PSMD12: variants seen among roughly 807,000 people sequenced by gnomAD.
PSMD12 encodes 26S proteasome non-ATPase regulatory subunit 12.
Under a neutral mutation model 62.9 loss-of-function variants are expected in PSMD12, and 8 were observed. The observed-to-expected ratio is 0.13, with a 90% confidence interval of 0.07 to 0.23. The LOEUF (loss-of-function observed/expected upper bound fraction) is 0.23, where lower values mean the gene tolerates loss of function less well. PSMD12 is among the 10% of genes least tolerant of loss of function. The pLI, the probability that PSMD12 is intolerant of heterozygous loss-of-function variation, is 1.00. For synonymous variants in PSMD12, 173 were observed against 187.4 expected, an observed-to-expected ratio of 0.92 and a Z score of 0.63; for missense variants, 424 against 550.2, an observed-to-expected ratio of 0.77 and a Z score of 2.29.
At chr17:67,356,374 C>A (rs189936930) in intron 3 of PSMD12, among the ~76,000 whole-genome samples, 1 of 150,602 alleles carries the variant, frequency 6.6e-6, no homozygotes, top group East Asian at 2.0e-4. Flanking sequence ...CTGGCTAACA[C>A]GGTGAAACCC....
chr17:67,338,122 AG>A lies in PSMD12; in HGVS notation c.*2720del, dbSNP rs1255676658. On this transcript the variant is annotated 3_prime_UTR_variant, in exon 11 of 11. Transcript: ENST00000356126. The stretch of plus-strand genomic sequence containing the variant: ...ACATATGGAAATTGAGGATAATCAT[AG>A]AAACAGCTATTGAACTCTAAAATAA... 2 of 152,246 alleles carry A rather than the reference AG, an allele frequency of 1.3e-5. No individual in the cohort carries two copies. The highest frequency in any genetic ancestry group is 2.9e-5 in the Non-Finnish European group (2 of 68,044). 9.4% of individuals were successfully genotyped at this position (152,246 alleles called of 1,614,324 possible).
At position 67,366,544 on chromosome 17, in the gene PSMD12, T is replaced by C. The variant is rs1009133737; in HGVS notation, c.-25A>G. Reference sequence around the variant, plus strand: ...TGGTCCCCGCCTGAGCGTCCCTTGCTGTCCCCCTGCTTCGGCCACCACTCG... The same window carrying C: ...TGGTCCCCGCCTGAGCGTCCCTTGCCGTCCCCCTGCTTCGGCCACCACTCG... On this transcript the variant is annotated 5_prime_UTR_variant, in exon 1 of 11. Transcript: ENST00000356126. 8.2e-6 allele frequency: 13 copies of C among 1,583,050 alleles called. No homozygotes were observed. The highest frequency in any genetic ancestry group is 2.3e-5 in the East Asian group (1 of 44,018).
intron 3 of PSMD12, 136 bp downstream of exon 3, chr17:67,357,167 G>T: frequency 1.1e-6 from 1 of 910,772 alleles, no homozygotes; most frequent in Non-Finnish European, 1.6e-6. Context: ...TGAGAATGTA[G>T]ACTGAATTTT....
chr17:67,365,008 T>C (rs1217297125), intron 1 of PSMD12, among the ~76,000 whole-genome samples: 1 of 152,024 alleles, frequency 6.6e-6, no homozygotes, highest in Admixed American at 6.6e-5. Flanking sequence ...GCCAACGTAG[T>C]GAAACCCCGT....
At position 67,366,400 on chromosome 17, in the gene PSMD12, G is replaced by A. The variant is rs1375540856; in HGVS notation, c.108+12C>T. 3.1e-6 allele frequency: 5 copies of A among 1,604,652 alleles called. No individual in the cohort carries two copies. In the African/African-American group the frequency reaches 4.0e-5, roughly 13 times the overall value. On this transcript the variant is annotated intron_variant, in intron 1 of 10. Transcript: ENST00000356126. ...CCTGGCGCCCGCCAACAGCCAGCCG[G>A]CCTCTCCTCACCTTGGCTAGCTTCG...
chr17:67,360,493 T>G (rs2042119370), intron 1 of PSMD12, among the ~76,000 whole-genome samples: 1 of 152,204 alleles, frequency 6.6e-6, no homozygotes, highest in South Asian at 2.1e-4. Flanking sequence ...CAAACTATAT[T>G]CTATTTTGGT....
At chr17:67,346,759 A>G (rs2041971323) in intron 7 of PSMD12, among the ~76,000 whole-genome samples, 1 of 152,236 alleles carries the variant, frequency 6.6e-6, no homozygotes, top group South Asian at 2.1e-4. Flanking sequence ...GTATAAAGAA[A>G]AAGTTCTTAT....
chr17:67,358,872 A>G (rs1178193130), intron 1 of PSMD12, among the ~76,000 whole-genome samples: 1 of 152,218 alleles, frequency 6.6e-6, no homozygotes, highest in Non-Finnish European at 1.5e-5. Flanking sequence ...CTGACAACTT[A>G]CACTAACCTC....
intron 3 of PSMD12, among the ~76,000 whole-genome samples, chr17:67,354,086 C>T (rs189693334): frequency 6.6e-6 from 1 of 152,208 alleles, no homozygotes; most frequent in African/African-American, 2.4e-5. Flanking sequence ...AAGCACTTTA[C>T]ATAAAAATAC....
At chr17:67,343,090 T>G (rs901833328) in intron 9 of PSMD12, among the ~76,000 whole-genome samples, 2 of 152,140 alleles carry the variant, frequency 1.3e-5, no homozygotes, top group Non-Finnish European at 2.9e-5. Context: ...TTTACTGTTC[T>G]TATTGGTAGT....
chr17:67,366,481 G>T lies in PSMD12; in HGVS notation c.39C>A (p.Ile13=). ...DGGSERADGR[I]VKMEVDYSAT... is the part of the protein sequence containing the mutation. ...CGCTGTAGTCCACCTCCATCTTGACGATGCGCCCGTCAGCCCGCTCCGAGC... is the reference window on the plus strand; with the variant it reads ...CGCTGTAGTCCACCTCCATCTTGACTATGCGCCCGTCAGCCCGCTCCGAGC... Residue 13 remains isoleucine, a synonymous_variant, in exon 1 of 11, where the codon ATC becomes ATA. Coordinates refer to ENST00000356126, the MANE Select transcript of PSMD12 (RefSeq NM_002816.5). The T allele has an allele frequency of 1.9e-6, 3 of 1,610,820 alleles. No individual in the cohort carries two copies. Among genetic ancestry groups the T allele is most frequent in the South Asian group, 2.2e-5 (2 of 91,036 alleles).
In PSMD12 at chr17:67,345,903, G is replaced by T. The variant is rs111289722; in HGVS notation, c.796-46C>A. The T allele has an allele frequency of 8.6e-6, 13 of 1,503,816 alleles. No homozygotes were observed. The African/African-American group carries it at 1.3e-4, about 14-fold the overall frequency. The allele number at this position is 1,503,816 out of a possible 1,614,324, so 93.2% of individuals were successfully genotyped here. ...GTTATATGCAAGACTGGACATAATG[G>T]AAACTTTGACAAAAACTGAACAATC... On this transcript the variant is annotated intron_variant, in intron 7 of 10. Coordinates refer to ENST00000356126, the MANE Select transcript of PSMD12 (RefSeq NM_002816.5).
intron 1 of PSMD12, 67 bp from the exon 2 acceptor site, chr17:67,357,645 A>G: frequency 6.7e-7 from 1 of 1,499,150 alleles, no homozygotes; most frequent in Non-Finnish European, 9.3e-7. Flanking sequence ...TCTAAAATGA[A>G]ATGGTTTTGA....
At chr17:67,366,168 C>T (rs1470114782) in intron 1 of PSMD12, among the ~76,000 whole-genome samples, 2 of 152,208 alleles carry the variant, frequency 1.3e-5, no homozygotes, top group African/African-American at 4.8e-5. Flanking sequence ...TTAAACGGAG[C>T]CCTAAGTCCC....
chr17:67,344,676 G>T lies in PSMD12; in HGVS notation c.1013C>A (p.Thr338Lys), dbSNP rs1212380133. 2 of 1,613,308 alleles carry T rather than the reference G, an allele frequency of 1.2e-6. No individual in the cohort carries two copies. The highest frequency in any genetic ancestry group is 2.2e-5 in the South Asian group (2 of 91,000). Residue 338 changes from threonine (T) to lysine (K), a missense_variant, in exon 9 of 11, where the codon ACG becomes AAG. Thr to Lys is a moderately conservative substitution (Grantham distance 78). Coordinates refer to ENST00000356126, the MANE Select transcript of PSMD12 (RefSeq NM_002816.5). ...TTCCTCTGTAGAACCAAAAACATCC[G>T]TTGCAGGACTCTCAAGGGAACCTTT... is the stretch of plus-strand genomic sequence containing the variant. ...LRKGSLESPA[T>K]DVFGSTEEGE...
In PSMD12 at chr17:67,344,698, C is replaced by A. The variant is rs1203610326; in HGVS notation, c.991G>T (p.Gly331Cys). ...TCCGTTGCAGGACTCTCAAGGGAAC[C>A]TTTTCTTAATTCCATTCCATAGTCC... Reference protein sequence around the residue: ...VEDYGMELRKGSLESPATDVF... With the variant: ...VEDYGMELRKCSLESPATDVF... Residue 331 changes from glycine (G) to cysteine (C), a missense_variant, in exon 9 of 11, where the codon GGT becomes TGT. Coordinates refer to ENST00000356126, the MANE Select transcript of PSMD12 (RefSeq NM_002816.5). The A allele has an allele frequency of 1.9e-6, 3 of 1,613,818 alleles. No individual in the cohort carries two copies. The highest frequency in any genetic ancestry group is 1.1e-5 in the South Asian group (1 of 91,064).
intron 3 of PSMD12, chr17:67,357,100 A>T (rs1483752528): frequency 7.6e-6 from 4 of 526,242 alleles, no homozygotes; most frequent in African/African-American, 5.9e-5. Flanking sequence ...CACAATTTTT[A>T]AAAATATGCA....
In PSMD12 at chr17:67,339,235, G is replaced by A. The variant is rs2041887366; in HGVS notation, c.*1608C>T. 6.6e-6 allele frequency: 1 copy of A among 151,734 alleles called. No individual in the cohort carries two copies. The highest frequency in any genetic ancestry group is 2.1e-4 in the South Asian group (1 of 4,820). 9.4% of individuals were successfully genotyped at this position (151,734 alleles called of 1,614,324 possible). A position where few individuals can be genotyped will look rare whatever the true frequency, so the allele number is the denominator to read the frequency against. ...GAATTCTCCCACCTCAGCCTCCCAAGTAACTGGGACTACAGGCACACGCCA... is the reference window on the plus strand; with the variant it reads ...GAATTCTCCCACCTCAGCCTCCCAAATAACTGGGACTACAGGCACACGCCA... On this transcript the variant is annotated 3_prime_UTR_variant, in exon 11 of 11. Transcript: ENST00000356126.
At position 67,347,468 on chromosome 17, in the gene PSMD12, T is replaced by C. The variant is rs73994539; in HGVS notation, c.528A>G (p.Ser176=). Residue 176 remains serine (S), a synonymous_variant, in exon 6 of 11, where the codon TCA becomes TCG. Transcript: ENST00000356126. ...LQELQVETYG[S]MEKKERVEFI... The stretch of plus-strand genomic sequence containing the variant: ...ATTCCACTCGCTCTTTCTTTTCCAT[T>C]GACCCGTAGGTTTCCACCTAGCACA... 1.2e-3 allele frequency: 1,989 copies of C among 1,613,490 alleles called. 24 individuals carry two copies. The African/African-American group carries it at 0.024, about 19-fold the overall frequency.
Sources: gnomAD v4.1 joint callset for allele counts (sites outside exome capture counted in the v4.1 genomes callset) on GRCh38, gnomAD v4.1.1 for gene constraint, MANE v1.5 for transcripts, NCBI Gene and HGNC (gene_info 2026-07-23, HGNC 2026-07-21) for gene names.